Variants in LAMA2 observed in about 807,000 individuals in gnomAD.
LAMA2 encodes the protein laminin subunit alpha 2.
LAMA2 carries 269 observed loss-of-function variants against 364.8 expected under a neutral mutation model. That is an observed-to-expected ratio of 0.74 (90% CI 0.67 to 0.82). The LOEUF is 0.82. LAMA2 is among the 40% of genes least tolerant of loss of function. The pLI is 0.00. For missense variants in LAMA2, 3,807 were observed against 3,873.2 expected (o/e 0.98, Z 0.45); for synonymous variants, 1,379 against 1,370.6 (o/e 1.01, Z -0.14).
chr6:129,057,844 T>C (rs1788596042), intron 2 of LAMA2, among the ~76,000 whole-genome samples: 1 of 152,230 alleles, frequency 6.6e-6, no homozygotes, highest in Non-Finnish European at 1.5e-5. Context: ...ATGTGATTTG[T>C]TCCTTATGTG....
chr6:129,166,359 C>T (rs373051367), intron 9 of LAMA2, among the ~76,000 whole-genome samples: 10 of 152,238 alleles, frequency 6.6e-5, no homozygotes, highest in Admixed American at 2.0e-4. Flanking sequence ...TGCACTGGGA[C>T]GCTTCTTCTC....
chr6:129,028,059 G>A (rs540817189), intron 1 of LAMA2, among the ~76,000 whole-genome samples: 1 of 151,804 alleles, frequency 6.6e-6, no homozygotes, highest in Non-Finnish European at 1.5e-5. Flanking sequence ...AGTAGAAATG[G>A]GGATTTAGAG....
At chr6:129,449,291 CA>C (rs753391004) in intron 45 of LAMA2, among the ~76,000 whole-genome samples, 4 of 152,174 alleles carry the variant, frequency 2.6e-5, no homozygotes, top group Non-Finnish European at 5.9e-5. Flanking sequence ...TTTATTCTCA[CA>C]GTTCTGGAGA....
intron 12 of LAMA2, among the ~76,000 whole-genome samples, chr6:129,245,581 G>A (rs183444125): frequency 6.4e-4 from 97 of 152,232 alleles, no homozygotes; most frequent in African/African-American, 2.2e-3. Context: ...TTTGCAGTAC[G>A]TATAACTTAC....
chr6:128,973,325 T>C (rs1420301955), intron 1 of LAMA2, among the ~76,000 whole-genome samples: 1 of 152,224 alleles, frequency 6.6e-6, no homozygotes, highest in Non-Finnish European at 1.5e-5. Flanking sequence ...TAGCCACACA[T>C]GGAGAAGGAC....
intron 22 of LAMA2, 98 bp from the exon 23 acceptor site, chr6:129,312,763 A>G (rs932768132): frequency 1.2e-5 from 10 of 826,440 alleles, no homozygotes; most frequent in Non-Finnish European, 1.9e-5. Context: ...TACATGATTA[A>G]TATGTGTTTA....
chr6:129,190,723 TG>T (rs1193320896), intron 11 of LAMA2, among the ~76,000 whole-genome samples: 36 of 152,228 alleles, frequency 2.4e-4, no homozygotes, highest in Non-Finnish European at 8.8e-5. Context: ...AGAAAAACTC[TG>T]TATCATCTGT....
intron 1 of LAMA2, among the ~76,000 whole-genome samples, chr6:128,903,884 A>C (rs916406744): frequency 3.9e-5 from 6 of 152,134 alleles, no homozygotes; most frequent in African/African-American, 1.4e-4. Flanking sequence ...CTTTGGTTTT[A>C]AGAGGCCTGC....
chr6:129,171,467 G>T (rs1780147705), intron 9 of LAMA2, among the ~76,000 whole-genome samples: 1 of 151,990 alleles, frequency 6.6e-6, no homozygotes, highest in Non-Finnish European at 1.5e-5. Context: ...ATTCTGGGTT[G>T]AAAATTCTTT....
chr6:129,009,870 T>C (rs553104605), intron 1 of LAMA2, among the ~76,000 whole-genome samples: 1 of 152,296 alleles, frequency 6.6e-6, no homozygotes, highest in East Asian at 1.9e-4. Flanking sequence ...GTATGCTTTC[T>C]TGATTATATG....
intron 12 of LAMA2, among the ~76,000 whole-genome samples, chr6:129,210,288 A>G (rs1278896387): frequency 2.6e-5 from 4 of 152,154 alleles, no homozygotes; most frequent in East Asian, 1.9e-4. Flanking sequence ...TTCTTATCCA[A>G]TAGTCTATCC....
chr6:129,132,198 G>A (rs1176115555), intron 4 of LAMA2, among the ~76,000 whole-genome samples: 24 of 145,178 alleles, frequency 1.7e-4, no homozygotes, highest in African/African-American at 6.0e-4. Context: ...ACAGAGTCTC[G>A]CTCTGTCACC....
intron 1 of LAMA2, among the ~76,000 whole-genome samples, chr6:129,021,336 G>A (rs9388674): frequency 0.61 from 93,422 of 152,062 alleles, 30,784 homozygotes; most frequent in East Asian, 0.96. Context: ...TTATACAAAA[G>A]TTAAAATAAT....
intron 4 of LAMA2, among the ~76,000 whole-genome samples, chr6:129,118,850 A>G (rs12213754): frequency 0.034 from 5,112 of 152,312 alleles, 136 homozygotes; most frequent in Non-Finnish European, 0.049. Flanking sequence ...CCCTAGTGGT[A>G]TTGATGGGCT....
At chr6:129,410,359 A>T (rs1409499688) in intron 40 of LAMA2, among the ~76,000 whole-genome samples, 2 of 151,078 alleles carry the variant, frequency 1.3e-5, no homozygotes, top group African/African-American at 4.9e-5. Flanking sequence ...TTTAATTCCC[A>T]TGGCAAATGG....
chr6:129,143,850 T>C (rs371403883), intron 4 of LAMA2, 51 bp from the exon 5 acceptor site: 50 of 1,298,424 alleles, frequency 3.9e-5, no homozygotes, highest in Non-Finnish European at 5.5e-5. Context: ...ACAAAATCAA[T>C]ATTTAAATTT....
intron 4 of LAMA2, among the ~76,000 whole-genome samples, chr6:129,131,746 G>A (rs1394842088): frequency 6.6e-6 from 1 of 152,126 alleles, no homozygotes; most frequent in Admixed American, 6.5e-5. Flanking sequence ...CTGTTTACTT[G>A]TATCAAAATT....
chr6:129,009,407 G>T, intron 1 of LAMA2, among the ~76,000 whole-genome samples: 1 of 151,530 alleles, frequency 6.6e-6, no homozygotes, highest in Admixed American at 6.6e-5. Context: ...TTTCCAATTA[G>T]GATAAGTAAT....
rs569484465 is a variant in LAMA2 at position 129,065,296 on chromosome 6, C to T, written c.396+5400C>T. ...CTGTATATGACACATCCTCAGCTAA[C>T]ATCATACTCAATAGTGAAAAGCTGA... On this transcript the variant is annotated intron_variant, in intron 3 of 64. Transcript: ENST00000421865. Among the ~76,000 whole-genome samples the T allele has an allele frequency of 3.9e-5, 6 of 152,276 alleles. No homozygotes were observed. In the South Asian group the frequency reaches 1.2e-3, roughly 32 times the overall value.
Sources: gnomAD v4.1 joint callset for allele counts (sites outside exome capture counted in the v4.1 genomes callset) on GRCh38, gnomAD v4.1.1 for gene constraint, MANE v1.5 for transcripts, NCBI Gene and HGNC (gene_info 2026-07-23, HGNC 2026-07-21) for gene names.